The following PRKN variants were observed in gnomAD, a reference collection of about 807,000 sequenced individuals.
PRKN encodes E3 ubiquitin-protein ligase parkin.
PRKN carries 56 observed loss-of-function variants against 59.5 expected under a neutral mutation model. That is an observed-to-expected ratio of 0.94 (90% CI 0.76 to 1.18). The LOEUF is 1.18. PRKN is among the 50% of genes most tolerant of loss of function. The probability of loss-of-function intolerance (pLI) is 0.00; values close to 1 mark genes in which losing one functional copy is unlikely to be tolerated. For synonymous variants in PRKN, 250 were observed against 222.1 expected (o/e 1.13, Z -1.12); for missense variants, 657 against 596.4 (o/e 1.10, Z -1.06).
intron 5 of PRKN, among the ~76,000 whole-genome samples, chr6:162,021,229 A>AAT (rs1166725786): frequency 1.8e-4 from 25 of 138,106 alleles, no homozygotes; most frequent in Admixed American, 1.4e-3. Context: ...ATATACATCA[A>AAT]ATATATATAT....
At chr6:161,777,813 T>TACATAC (rs1790010365) in intron 7 of PRKN, among the ~76,000 whole-genome samples, 1 of 142,926 alleles carries the variant, frequency 7.0e-6, no homozygotes, top group African/African-American at 2.7e-5. Flanking sequence ...TATATGTATA[T>TACATAC]ATGTGTATAT....
In PRKN at chr6:161,356,130, GAACT is replaced by G. The variant is rs1450346180; in HGVS notation, c.1285+3954_1285+3957del. Among the ~76,000 whole-genome samples, 1 of 152,236 alleles carries G rather than the reference GAACT, an allele frequency of 6.6e-6. No individual in the cohort carries two copies. The highest frequency in any genetic ancestry group is 1.5e-5 in the Non-Finnish European group (1 of 68,040). ...CTCTCCGGGGAAGGGGAGGGAGCCAGAACTAATTGTCTTGGCAGAGGTGATTTCC... is the reference window on the plus strand; with the variant it reads ...CTCTCCGGGGAAGGGGAGGGAGCCAGAATTGTCTTGGCAGAGGTGATTTCC... On this transcript the variant is annotated intron_variant, in intron 11 of 11. Coordinates refer to ENST00000366898, the MANE Select transcript of PRKN (RefSeq NM_004562.3). The surrounding 1 kb of genome is among the most constrained non-coding windows in gnomAD (Gnocchi z 7.8).
intron 1 of PRKN, among the ~76,000 whole-genome samples, chr6:162,503,677 C>A (rs1793479258): frequency 6.6e-6 from 1 of 152,096 alleles, no homozygotes; most frequent in East Asian, 1.9e-4. Context: ...CAGAGAAAAT[C>A]CAATTATATT....
intron 2 of PRKN, among the ~76,000 whole-genome samples, chr6:162,270,915 C>T (rs1037386491): frequency 1.2e-4 from 18 of 151,844 alleles, no homozygotes; most frequent in East Asian, 1.9e-4. Context: ...GATCAAGGCT[C>T]GCTGCTGCCT....
intron 1 of PRKN, among the ~76,000 whole-genome samples, chr6:162,542,150 A>C (rs572558706): frequency 6.6e-6 from 1 of 152,252 alleles, no homozygotes; most frequent in African/African-American, 2.4e-5. Flanking sequence ...AATGATCCTA[A>C]ATATTTTCAG....
At chr6:162,378,625 C>T (rs1233906842) in intron 2 of PRKN, among the ~76,000 whole-genome samples, 1 of 152,206 alleles carries the variant, frequency 6.6e-6, no homozygotes, top group Non-Finnish European at 1.5e-5. Context: ...TTATCAAGTG[C>T]CTATGCACAG....
chr6:161,437,756 T>C (rs1292277061), intron 9 of PRKN, among the ~76,000 whole-genome samples: 2 of 152,200 alleles, frequency 1.3e-5, no homozygotes, highest in African/African-American at 4.8e-5. Flanking sequence ...AGTAGTAACA[T>C]TAGTGTATCT....
At position 161,369,112 on chromosome 6, in the gene PRKN, C is replaced by T. The variant is rs1403300221; in HGVS notation, c.1168-8907G>A. ...CACTGGTTTAGACCTTTGACTGCCA[C>T]TTCCGAGAGGGGATTTCTACCAGGA... is the stretch of plus-strand genomic sequence containing the variant. On this transcript the variant is annotated intron_variant, in intron 10 of 11. Transcript: ENST00000366898. This position sits in a 1 kb window ranked among gnomAD's most constrained non-coding sequence, Gnocchi z 5.8. 2.6e-5 allele frequency among the ~76,000 whole-genome samples: 4 copies of T among 152,194 alleles called. No homozygotes were observed. The highest frequency in any genetic ancestry group is 9.6e-5 in the African/African-American group (4 of 41,462).
rs1019528143 is a variant in PRKN, at chr6:161,562,677, G to A, written c.933+6678C>T. On this transcript the variant is annotated intron_variant, in intron 8 of 11. Coordinates refer to ENST00000366898, the MANE Select transcript of PRKN (RefSeq NM_004562.3). This position sits in a 1 kb window ranked among gnomAD's most constrained non-coding sequence, Gnocchi z 4.3. Reference sequence around the variant, plus strand: ...AGATCCCATGCCTCTGATCTCACCTGCCCCATTTTGCTCATCTCAGTCAAA... The same window carrying A: ...AGATCCCATGCCTCTGATCTCACCTACCCCATTTTGCTCATCTCAGTCAAA... 1.3e-5 allele frequency among the ~76,000 whole-genome samples: 2 copies of A among 152,062 alleles called. No homozygotes were observed. The highest frequency in any genetic ancestry group is 2.4e-5 in the African/African-American group (1 of 41,416).
intron 4 of PRKN, among the ~76,000 whole-genome samples, chr6:162,094,315 G>T (rs6928889): frequency 0.1 from 15,711 of 151,882 alleles, 992 homozygotes; most frequent in African/African-American, 0.17. Context: ...CAAAGCGAGA[G>T]CCCATCTCTA....
At chr6:161,717,841 G>C (rs556635038) in intron 7 of PRKN, among the ~76,000 whole-genome samples, 1 of 152,110 alleles carries the variant, frequency 6.6e-6, no homozygotes, top group South Asian at 2.1e-4. Flanking sequence ...GCCCAGGCCC[G>C]CTTCCATCCC....
At chr6:161,765,473 T>G (rs776987213) in intron 7 of PRKN, among the ~76,000 whole-genome samples, 1 of 152,206 alleles carries the variant, frequency 6.6e-6, no homozygotes, top group South Asian at 2.1e-4. Context: ...GAAAATAAAG[T>G]TTGAAGTTAG....
At chr6:161,900,153 A>T (rs1777833830) in intron 6 of PRKN, among the ~76,000 whole-genome samples, 1 of 151,714 alleles carries the variant, frequency 6.6e-6, no homozygotes, top group South Asian at 2.1e-4. Context: ...AATATAGATA[A>T]TCGGAAAATT....
At position 161,409,875 on chromosome 6, in the gene PRKN, T is replaced by C. The variant is rs754255610; in HGVS notation, c.1084-22998A>G. Among the ~76,000 whole-genome samples, 4 of 152,152 alleles carry C rather than the reference T, an allele frequency of 2.6e-5. 1 individual carries two copies. The highest frequency in any genetic ancestry group is 6.5e-5 in the Admixed American group (1 of 15,276). ...TGTGATGTATCTATATAAATCTGAG[T>C]AGCAGATCCATTCTCATAAAGTTTA... On this transcript the variant is annotated intron_variant, in intron 9 of 11. Coordinates refer to ENST00000366898, the MANE Select transcript of PRKN (RefSeq NM_004562.3). The surrounding 1 kb of genome is among the most constrained non-coding windows in gnomAD (Gnocchi z 4.6).
At chr6:162,078,146 TC>T (rs1255701086) in intron 4 of PRKN, among the ~76,000 whole-genome samples, 2 of 137,396 alleles carry the variant, frequency 1.5e-5, no homozygotes, top group East Asian at 6.0e-4. Flanking sequence ...CAAACTGGCT[TC>T]ATTAAAAAAA....
intron 6 of PRKN, among the ~76,000 whole-genome samples, chr6:161,918,617 T>C (rs1778664893): frequency 6.6e-6 from 1 of 152,194 alleles, no homozygotes. Flanking sequence ...GCATTATCTT[T>C]GTACCCACAA....
chr6:161,425,261 ACT>A (rs1167334606), intron 9 of PRKN, among the ~76,000 whole-genome samples: 1 of 152,094 alleles, frequency 6.6e-6, no homozygotes, highest in Admixed American at 6.5e-5. Flanking sequence ...CTTTCTACTG[ACT>A]CGTGTTAGAG....
intron 7 of PRKN, among the ~76,000 whole-genome samples, chr6:161,621,659 A>C (rs987782144): frequency 6.6e-6 from 1 of 152,084 alleles, no homozygotes; most frequent in Non-Finnish European, 1.5e-5. Context: ...CCCCAAAATA[A>C]CACTATACCA....
intron 9 of PRKN, among the ~76,000 whole-genome samples, chr6:161,536,639 G>C (rs917951966): frequency 1.3e-5 from 2 of 152,160 alleles, no homozygotes; most frequent in Non-Finnish European, 2.9e-5. Flanking sequence ...AGCCTATAGA[G>C]TCGGTTTCAT....
Sources: gnomAD v4.1 joint callset for allele counts (sites outside exome capture counted in the v4.1 genomes callset) on GRCh38, gnomAD v4.1.1 for gene constraint, Gnocchi (gnomAD v3.1) non-coding constraint, MANE v1.5 for transcripts, NCBI Gene and HGNC (gene_info 2026-07-23, HGNC 2026-07-21) for gene names.